SEMA5A: variants seen among roughly 807,000 people sequenced by gnomAD.
SEMA5A encodes semaphorin-5A.
SEMA5A carries 55 observed loss-of-function variants against 135.5 expected under a neutral mutation model. The ratio of observed to expected loss-of-function variants is 0.41; its 90% CI spans 0.33 to 0.51. The LOEUF is 0.51. Ranked by LOEUF, SEMA5A falls within the 20% of genes least tolerant of loss-of-function variation. The pLI is 0.37. For missense variants in SEMA5A, 1,290 were observed against 1,419.9 expected, an observed-to-expected ratio of 0.91 and a Z score of 1.47; for synonymous variants, 580 against 546.5, an observed-to-expected ratio of 1.06 and a Z score of -0.85.
At chr5:9,173,641 C>A (rs893517292) in intron 11 of SEMA5A, among the ~76,000 whole-genome samples, 8 of 152,158 alleles carry the variant, frequency 5.3e-5, no homozygotes, top group African/African-American at 1.9e-4. Flanking sequence ...AAAGGCTCCA[C>A]CTCCAGATAC....
At chr5:9,465,074 T>C (rs1018781248) in intron 1 of SEMA5A, among the ~76,000 whole-genome samples, 1 of 151,848 alleles carries the variant, frequency 6.6e-6, no homozygotes, top group African/African-American at 2.4e-5. Context: ...CATTCTGGAT[T>C]CTGGATCCTG....
chr5:9,313,190 A>G (rs1446811948), intron 5 of SEMA5A, among the ~76,000 whole-genome samples: 1 of 152,196 alleles, frequency 6.6e-6, no homozygotes, highest in African/African-American at 2.4e-5. Context: ...TGCTAAACCA[A>G]TGTCAAAGCA....
intron 1 of SEMA5A, among the ~76,000 whole-genome samples, chr5:9,495,518 T>C: frequency 6.6e-6 from 1 of 152,174 alleles, no homozygotes; most frequent in Non-Finnish European, 1.5e-5. Context: ...ATTGAATCCC[T>C]ACTAGTGCCA....
intron 5 of SEMA5A, among the ~76,000 whole-genome samples, chr5:9,312,486 A>C (rs1752187168): frequency 6.6e-6 from 1 of 152,182 alleles, no homozygotes. Flanking sequence ...TTGGTCTTTA[A>C]ATGTTAAGAG....
intron 15 of SEMA5A, 95 bp from the exon 16 acceptor site, chr5:9,108,382 C>A: frequency 7.1e-7 from 1 of 1,418,268 alleles, no homozygotes; most frequent in Non-Finnish European, 9.8e-7. Context: ...ATGTTGAACA[C>A]ATGGGCATGC....
At chr5:9,495,104 T>G (rs910084823) in intron 1 of SEMA5A, among the ~76,000 whole-genome samples, 7 of 152,216 alleles carry the variant, frequency 4.6e-5, no homozygotes, top group Non-Finnish European at 1.0e-4. Context: ...TAAATTCTAT[T>G]TTTCTTTCCC....
chr5:9,537,975 G>A (rs1737863106), intron 1 of SEMA5A, among the ~76,000 whole-genome samples: 1 of 152,150 alleles, frequency 6.6e-6, no homozygotes, highest in African/African-American at 2.4e-5. Flanking sequence ...GCCACTATGT[G>A]GAAACCAACT....
intron 5 of SEMA5A, among the ~76,000 whole-genome samples, chr5:9,296,796 T>C (rs536679145): frequency 6.6e-6 from 1 of 151,700 alleles, no homozygotes; most frequent in South Asian, 2.1e-4. Context: ...AATTTTTAAA[T>C]TTCAGGATTT....
At chr5:9,175,333 T>C (rs1033147278) in intron 11 of SEMA5A, among the ~76,000 whole-genome samples, 6 of 152,144 alleles carry the variant, frequency 3.9e-5, no homozygotes, top group Non-Finnish European at 7.4e-5. Flanking sequence ...TCACTGCCTG[T>C]ATTTCTGCCT....
At chr5:9,522,592 A>C (rs761010689) in intron 1 of SEMA5A, among the ~76,000 whole-genome samples, 2 of 152,102 alleles carry the variant, frequency 1.3e-5, no homozygotes, top group Non-Finnish European at 2.9e-5. Flanking sequence ...AAAATAAATA[A>C]ATAAAAAGGA....
chr5:9,190,382 T>A lies in SEMA5A; in HGVS notation c.1158A>T (p.Val386=). 3 of 1,614,058 alleles carry A rather than the reference T, an allele frequency of 1.9e-6. No homozygotes were observed. The highest frequency in any genetic ancestry group is 2.5e-6 in the Non-Finnish European group (3 of 1,180,010). The change falls in exon 11 of 23, where the codon GTA becomes GTT. Residue 386 remains valine (V), a synonymous_variant. Coordinates refer to ENST00000382496, the MANE Select transcript of SEMA5A (RefSeq NM_003966.3). ...AGGAGGGCACTGTGGTCACTGGCTG[T>A]ACCACCTCATGCATCAGAATGAACT... ...AQKFILMHEV[V]QPVTTVPSFM... is the part of the protein sequence containing the mutation.
intron 11 of SEMA5A, among the ~76,000 whole-genome samples, chr5:9,162,846 T>C (rs1031360400): frequency 6.6e-6 from 1 of 152,090 alleles, no homozygotes; most frequent in Admixed American, 6.6e-5. Flanking sequence ...CCAGAAATGT[T>C]AACTGATTTC....
intron 1 of SEMA5A, among the ~76,000 whole-genome samples, chr5:9,531,390 C>G (rs1184772596): frequency 6.6e-6 from 1 of 152,182 alleles, no homozygotes; most frequent in Non-Finnish European, 1.5e-5. Flanking sequence ...GCTGTGTACC[C>G]TGAGCTGGAG....
At chr5:9,327,312 C>T (rs1278112781) in intron 4 of SEMA5A, among the ~76,000 whole-genome samples, 1 of 152,016 alleles carries the variant, frequency 6.6e-6, no homozygotes, top group East Asian at 1.9e-4. Context: ...ATTCTTCGGG[C>T]TATGCAAATT....
chr5:9,364,012 G>T (rs913771979), intron 3 of SEMA5A, among the ~76,000 whole-genome samples: 4 of 152,178 alleles, frequency 2.6e-5, no homozygotes, highest in Non-Finnish European at 5.9e-5. Flanking sequence ...GAAACCTGGG[G>T]TGCTCAAATT....
At chr5:9,316,499 C>T (rs1752395315) in intron 5 of SEMA5A, among the ~76,000 whole-genome samples, 1 of 152,140 alleles carries the variant, frequency 6.6e-6, no homozygotes, top group Non-Finnish European at 1.5e-5. Context: ...ACCTACAAAA[C>T]CTCACTTTTT....
intron 5 of SEMA5A, among the ~76,000 whole-genome samples, chr5:9,254,358 C>G (rs754799709): frequency 3.9e-5 from 6 of 152,094 alleles, no homozygotes; most frequent in Admixed American, 3.9e-4. Flanking sequence ...GATTACACAG[C>G]GATGCCCAGC....
chr5:9,110,571 CA>C (rs1740185842), intron 15 of SEMA5A, among the ~76,000 whole-genome samples: 1 of 152,072 alleles, frequency 6.6e-6, no homozygotes, highest in Admixed American at 6.5e-5. Context: ...GAAAACAAAA[CA>C]AAAACAGTGG....
At chr5:9,227,574 G>A (rs550348723) in intron 6 of SEMA5A, among the ~76,000 whole-genome samples, 109 of 130,670 alleles carry the variant, frequency 8.3e-4, no homozygotes, top group East Asian at 5.1e-3. Context: ...TTTTTGAGAC[G>A]GAGTCTCGCT....
Sources: gnomAD v4.1 joint callset for allele counts (sites outside exome capture counted in the v4.1 genomes callset) on GRCh38, gnomAD v4.1.1 for gene constraint, MANE v1.5 for transcripts, NCBI Gene and HGNC (gene_info 2026-07-23, HGNC 2026-07-21) for gene names.